The following KCTD12 variants were observed in gnomAD, a reference collection of about 807,000 sequenced individuals.
KCTD12 encodes potassium channel tetramerization domain containing 12.
A neutral mutation model predicts 22.6 loss-of-function variants in KCTD12; 16 were observed. That is an observed-to-expected ratio of 0.71 (90% CI 0.48 to 1.07). The LOEUF is 1.07. Among genes scored for constraint, KCTD12 ranks in the 50% least tolerant of loss-of-function variants. KCTD12 has a pLI of 0.00. For synonymous variants in KCTD12, 260 were observed against 228.0 expected (o/e 1.14, Z -1.26); for missense variants, 452 against 469.2 (o/e 0.96, Z 0.34).
Position 76,886,020 on chromosome 13 carries a change from C to G in KCTD12, c.129G>C (p.Gln43His). Reference protein sequence around the residue: ...PDIVELNVGGQVYVTRRCTVV... With the variant: ...PDIVELNVGGHVYVTRRCTVV... The stretch of plus-strand genomic sequence containing the variant: ...CCGTGCAGCGCCGGGTCACGTACAC[C>G]TGGCCCCCCACGTTCAGCTCCACGA... Residue 43 changes from glutamine to histidine, a missense_variant, in exon 1 of 1, where the codon CAG (glutamine) becomes CAC (histidine). This residue lies in a region of KCTD12 where 330 missense variants were observed against 296.5 expected (regional missense o/e 1.11). Coordinates refer to ENST00000377474, the MANE Select transcript of KCTD12 (RefSeq NM_138444.4). 6.3e-7 allele frequency: 1 copy of G among 1,590,212 alleles called. No individual in the cohort carries two copies. Among genetic ancestry groups the G allele is most frequent in the Non-Finnish European group, 8.5e-7 (1 of 1,172,768 alleles).
Position 76,886,231 on chromosome 13 carries a change from A to T in KCTD12, c.-83T>A, listed in dbSNP as rs1039397461. On this transcript the variant is annotated 5_prime_UTR_variant, in exon 1 of 1. Transcript: ENST00000377474. Reference sequence around the variant, plus strand: ...GCAACCGCCTTCCCCGGAGCCCCGGAACCCGGACGCTCGCTCAGCCCTGCG... The same window carrying T: ...GCAACCGCCTTCCCCGGAGCCCCGGTACCCGGACGCTCGCTCAGCCCTGCG... The T allele has an allele frequency of 2.0e-5, 27 of 1,370,812 alleles. No homozygotes were observed. In the African/African-American group the frequency reaches 4.0e-4, roughly 20 times the overall value. The allele number at this position is 1,370,812 out of a possible 1,614,324, so 84.9% of individuals were successfully genotyped here.
rs1461719314 is a variant in KCTD12, at chr13:76,886,164, G to A, written c.-16C>T. The A allele has an allele frequency of 2.1e-5, 30 of 1,460,088 alleles. No individual in the cohort carries two copies. The highest frequency in any genetic ancestry group is 2.5e-5 in the Non-Finnish European group (28 of 1,108,372). 90.4% of individuals were successfully genotyped at this position (1,460,088 alleles called of 1,614,324 possible). ...CCAGAGCCATGACAGAGAGGTGGCCGGGCCGGGACAGTGGCAGGAAGCCGC... is the reference window on the plus strand; with the variant it reads ...CCAGAGCCATGACAGAGAGGTGGCCAGGCCGGGACAGTGGCAGGAAGCCGC... On this transcript the variant is annotated 5_prime_UTR_variant, in exon 1 of 1. Transcript: ENST00000377474.
chr13:76,882,919 A>G lies in KCTD12; in HGVS notation c.*2252T>C, dbSNP rs2033219556. On this transcript the variant is annotated 3_prime_UTR_variant, in exon 1 of 1. Transcript: ENST00000377474. ...AAAAAAATTAGTGGATTAAAAATAC[A>G]GGTACCTTGACTTTAAGTAGACAGT... 6.6e-6 allele frequency: 1 copy of G among 152,258 alleles called. No individual in the cohort carries two copies. The highest frequency in any genetic ancestry group is 1.5e-5 in the Non-Finnish European group (1 of 68,046). The allele number at this position is 152,258 out of a possible 1,614,324, so 9.4% of individuals were successfully genotyped here. A position where few individuals can be genotyped will look rare whatever the true frequency, so the allele number is the denominator to read the frequency against.
Position 76,885,013 on chromosome 13 carries a change from T to G in KCTD12, c.*158A>C. The G allele has an allele frequency of 1.3e-6, 1 of 750,624 alleles. No homozygotes were observed. The highest frequency in any genetic ancestry group is 2.1e-6 in the Non-Finnish European group (1 of 472,956). 46.5% of individuals were successfully genotyped at this position (750,624 alleles called of 1,614,324 possible). On this transcript the variant is annotated 3_prime_UTR_variant, in exon 1 of 1. Transcript: ENST00000377474. The surrounding 1 kb of genome is among the most constrained non-coding windows in gnomAD (Gnocchi z 5.1). ...GGATTTGCGGCTGCAGGTTCTGTAG[T>G]GGAGGGAAGGTGGGCGGACAGGTCT...
In KCTD12 at chr13:76,882,854, G is replaced by T. The variant is rs1368071089; in HGVS notation, c.*2317C>A. ...AAGTCAATTTTACTTCTCAAAAAAT[G>T]TTAGTCTAATAAAAGACCTGAAATC... On this transcript the variant is annotated 3_prime_UTR_variant, in exon 1 of 1. Transcript: ENST00000377474. 6.6e-6 allele frequency: 1 copy of T among 152,050 alleles called. No homozygotes were observed. The highest frequency in any genetic ancestry group is 6.6e-5 in the Admixed American group (1 of 15,266). The allele number at this position is 152,050 out of a possible 1,614,324, so 9.4% of individuals were successfully genotyped here. A position where few individuals can be genotyped will look rare whatever the true frequency, so the allele number is the denominator to read the frequency against.
rs544163419 is a variant in KCTD12 at position 76,886,335 on chromosome 13, G to A, written c.-187C>T. 5.4e-6 allele frequency: 3 copies of A among 559,872 alleles called. No homozygotes were observed. The highest frequency in any genetic ancestry group is 7.6e-6 in the Non-Finnish European group (3 of 394,592). The allele number at this position is 559,872 out of a possible 1,614,324, so 34.7% of individuals were successfully genotyped here. On this transcript the variant is annotated 5_prime_UTR_variant, in exon 1 of 1. Coordinates refer to ENST00000377474, the MANE Select transcript of KCTD12 (RefSeq NM_138444.4). ...AGAGCCGCGCGGAGCCGAGCGGTGCGAGCGCGCCGCTGTGCGCCCCCTTGA... is the reference window on the plus strand; with the variant it reads ...AGAGCCGCGCGGAGCCGAGCGGTGCAAGCGCGCCGCTGTGCGCCCCCTTGA...
In KCTD12 at chr13:76,880,291, A is replaced by G. The variant is rs1235937815; in HGVS notation, c.*4880T>C. On this transcript the variant is annotated 3_prime_UTR_variant, in exon 1 of 1. Coordinates refer to ENST00000377474, the MANE Select transcript of KCTD12 (RefSeq NM_138444.4). The stretch of plus-strand genomic sequence containing the variant: ...AAACAGTAGCTAGTATTTCTGTTAT[A>G]CAACTGGTTGTGAACAGGAAGAACA... The G allele has an allele frequency of 6.5e-6, 1 of 152,698 alleles. No individual in the cohort carries two copies. The highest frequency in any genetic ancestry group is 1.5e-5 in the Non-Finnish European group (1 of 68,052). 9.5% of individuals were successfully genotyped at this position (152,698 alleles called of 1,614,324 possible). A position where few individuals can be genotyped will look rare whatever the true frequency, so the allele number is the denominator to read the frequency against.
Position 76,884,957 on chromosome 13 carries a change from A to G in KCTD12, c.*214T>C, listed in dbSNP as rs2033245662. 1 of 561,830 alleles carries G rather than the reference A, an allele frequency of 1.8e-6. No individual in the cohort carries two copies. Among genetic ancestry groups the G allele is most frequent in the Non-Finnish European group, 3.1e-6 (1 of 318,926 alleles). 34.8% of individuals were successfully genotyped at this position (561,830 alleles called of 1,614,324 possible). ...GGGTTCCTCTGGGTTCTCTCGGTTC[A>G]GGAGGTCCAAAGAAGACGAAGCAGC... On this transcript the variant is annotated 3_prime_UTR_variant, in exon 1 of 1. Coordinates refer to ENST00000377474, the MANE Select transcript of KCTD12 (RefSeq NM_138444.4).
rs61319458 is a variant in KCTD12 at position 76,882,217 on chromosome 13, T to C, written c.*2954A>G. On this transcript the variant is annotated 3_prime_UTR_variant, in exon 1 of 1. Transcript: ENST00000377474. ...TACTTGTTTTTTACTGTCTACCCAA[T>C]GTAAAATGAATTTTCTTCACAGCCT... 6.6e-6 allele frequency: 1 copy of C among 152,230 alleles called. No individual in the cohort carries two copies. The highest frequency in any genetic ancestry group is 2.1e-4 in the South Asian group (1 of 4,834). 9.4% of individuals were successfully genotyped at this position (152,230 alleles called of 1,614,324 possible).
In KCTD12 at chr13:76,885,690, A is replaced by C. The variant is rs762203624; in HGVS notation, c.459T>G (p.Gly153=). The change falls in exon 1 of 1, where the codon GGT becomes GGG. Residue 153 remains glycine, a synonymous_variant. Transcript: ENST00000377474. The surrounding 1 kb of genome is among the most constrained non-coding windows in gnomAD (Gnocchi z 5.1). ...AGTAGCCAAGCGGCAGCAGCTCGTC[A>C]CCCAGCGAGCCCTCCTTGTGCACCC... ...RRGVHKEGSL[G]DELLPLGYSE... is the part of the protein sequence containing the mutation. The C allele has an allele frequency of 1.7e-5, 24 of 1,443,798 alleles. No individual in the cohort carries two copies. The African/African-American group carries it at 2.7e-4, about 16-fold the overall frequency. The allele number at this position is 1,443,798 out of a possible 1,614,324, so 89.4% of individuals were successfully genotyped here. A position where few individuals can be genotyped will look rare whatever the true frequency, so the allele number is the denominator to read the frequency against.
Position 76,886,273 on chromosome 13 carries a change from G to GCCACCGCCGCCA in KCTD12, c.-126_-125insTGGCGGCGGTGG. On this transcript the variant is annotated 5_prime_UTR_variant, in exon 1 of 1. Coordinates refer to ENST00000377474, the MANE Select transcript of KCTD12 (RefSeq NM_138444.4). ...AGCCCTGCGCCCCGCCGCCGCCGCC[G>GCCACCGCCGCCA]CCGCCACCGCCGCCACCGCCACCGC... The GCCACCGCCGCCA allele has an allele frequency of 1.9e-6, 2 of 1,069,598 alleles. No homozygotes were observed. Among genetic ancestry groups the GCCACCGCCGCCA allele is most frequent in the Non-Finnish European group, 2.4e-6 (2 of 829,532 alleles). 66.3% of individuals were successfully genotyped at this position (1,069,598 alleles called of 1,614,324 possible). A position where few individuals can be genotyped will look rare whatever the true frequency, so the allele number is the denominator to read the frequency against.
chr13:76,886,288 ACCGCCACCG>A lies in KCTD12; in HGVS notation c.-149_-141del, dbSNP rs960043014. 3 of 1,047,680 alleles carry A rather than the reference ACCGCCACCG, an allele frequency of 2.9e-6. No individual in the cohort carries two copies. The highest frequency in any genetic ancestry group is 4.4e-5 in the Admixed American group (1 of 22,940). The allele number at this position is 1,047,680 out of a possible 1,614,324, so 64.9% of individuals were successfully genotyped here. ...CGCCGCCGCCGCCGCCACCGCCGCC[ACCGCCACCG>A]CCGCCACCTCCTAGAGCCGCGCGGA... is the stretch of plus-strand genomic sequence containing the variant. On this transcript the variant is annotated 5_prime_UTR_variant, in exon 1 of 1. Transcript: ENST00000377474.
Position 76,885,806 on chromosome 13 carries a change from G to C in KCTD12, c.343C>G (p.Arg115Gly). The C allele has an allele frequency of 6.3e-7, 1 of 1,592,424 alleles. No individual in the cohort carries two copies. ...DYFPERSRLQ[R>G]EAEYFELPEL... Reference sequence around the variant, plus strand: ...GGCAGCTCGAAGTACTCGGCCTCGCGCTGCAGCCGGCTGCGCTCGGGGAAG... The same window carrying C: ...GGCAGCTCGAAGTACTCGGCCTCGCCCTGCAGCCGGCTGCGCTCGGGGAAG... Residue 115 changes from arginine (R) to glycine (G), a missense_variant, in exon 1 of 1, where the codon CGC becomes GGC. This residue lies in a region of KCTD12 where 330 missense variants were observed against 296.5 expected (regional missense o/e 1.11). Transcript: ENST00000377474. This position sits in a 1 kb window ranked among gnomAD's most constrained non-coding sequence, Gnocchi z 5.1.
rs2033270929 is a variant in KCTD12 at position 76,886,216 on chromosome 13, TCCCCGGAG to T, written c.-76_-69del. 2 of 1,377,682 alleles carry T rather than the reference TCCCCGGAG, an allele frequency of 1.5e-6. No homozygotes were observed. The highest frequency in any genetic ancestry group is 9.3e-7 in the Non-Finnish European group (1 of 1,073,932). The allele number at this position is 1,377,682 out of a possible 1,614,324, so 85.3% of individuals were successfully genotyped here. ...CTGCACTCAGGAGCTGCAACCGCCT[TCCCCGGAG>T]CCCCGGAACCCGGACGCTCGCTCAG... On this transcript the variant is annotated 5_prime_UTR_variant, in exon 1 of 1. Transcript: ENST00000377474.
At position 76,885,657 on chromosome 13, in the gene KCTD12, G is replaced by C; in HGVS notation, c.492C>G (p.Pro164=). Residue 164 remains proline, a synonymous_variant, in exon 1 of 1, where the codon CCC becomes CCG. Coordinates refer to ENST00000377474, the MANE Select transcript of KCTD12 (RefSeq NM_138444.4). The surrounding 1 kb of genome is among the most constrained non-coding windows in gnomAD (Gnocchi z 5.1). ...CGGCAGAGGCGCCCTCCTGCTGTTC[G>C]GGCTCCGAGTAGCCAAGCGGCAGCA... The part of the protein sequence containing the change: ...DELLPLGYSE[P]EQQEGASAGA... The C allele has an allele frequency of 2.0e-6, 3 of 1,480,672 alleles. No homozygotes were observed. The highest frequency in any genetic ancestry group is 2.2e-4 in the Middle Eastern group (1 of 4,538). The allele number at this position is 1,480,672 out of a possible 1,614,324, so 91.7% of individuals were successfully genotyped here. A position where few individuals can be genotyped will look rare whatever the true frequency, so the allele number is the denominator to read the frequency against.
Position 76,883,036 on chromosome 13 carries a change from C to G in KCTD12, c.*2135G>C, listed in dbSNP as rs1049245797. On this transcript the variant is annotated 3_prime_UTR_variant, in exon 1 of 1. Transcript: ENST00000377474. ...TTTACAATTATGTATTTTTTCCTAA[C>G]CCAATTCCTCGATAAGGATGTAAGA... 37 of 152,092 alleles carry G rather than the reference C, an allele frequency of 2.4e-4. No homozygotes were observed. Among genetic ancestry groups the G allele is most frequent in the Admixed American group, 2.4e-3 (37 of 15,264 alleles). 9.4% of individuals were successfully genotyped at this position (152,092 alleles called of 1,614,324 possible).
In KCTD12 at chr13:76,885,549, C is replaced by T. The variant is rs561944056; in HGVS notation, c.600G>A (p.Ser200=). 1.2e-5 allele frequency: 18 copies of T among 1,560,718 alleles called. No homozygotes were observed. In the Admixed American group the frequency reaches 3.4e-4, roughly 29 times the overall value. ...AAGPLLTPSQ[S]LDGSRRSGYI... ...AGCCCGAGCGCCGGCTGCCGTCCAG[C>T]GACTGGGACGGCGTGAGCAGCGGGC... is the stretch of plus-strand genomic sequence containing the variant. The change falls in exon 1 of 1, where the codon TCG becomes TCA. Residue 200 remains serine (S), a synonymous_variant. Transcript: ENST00000377474. The surrounding 1 kb of genome is among the most constrained non-coding windows in gnomAD (Gnocchi z 5.1).
In KCTD12 at chr13:76,885,531, G is replaced by A. The variant is rs964607793; in HGVS notation, c.618C>T (p.Arg206=). Residue 206 remains arginine (R), a synonymous_variant, in exon 1 of 1, where the codon CGC becomes CGT. Transcript: ENST00000377474. This position sits in a 1 kb window ranked among gnomAD's most constrained non-coding sequence, Gnocchi z 5.1. ...GGTAGCCGATGGTGATGTAGCCCGAGCGCCGGCTGCCGTCCAGCGACTGGG... is the reference window on the plus strand; with the variant it reads ...GGTAGCCGATGGTGATGTAGCCCGAACGCCGGCTGCCGTCCAGCGACTGGG... ...TPSQSLDGSR[R]SGYITIGYRG... 1.3e-6 allele frequency: 2 copies of A among 1,578,110 alleles called. No individual in the cohort carries two copies. Among genetic ancestry groups the A allele is most frequent in the Non-Finnish European group, 1.7e-6 (2 of 1,165,940 alleles).
In KCTD12 at chr13:76,881,775, G is replaced by A. The variant is rs1363094375; in HGVS notation, c.*3396C>T. ...AAAAAGTAGAATGAATACTGTTCATGGTCCACATGTATTAAAAAACATGTC... is the reference window on the plus strand; with the variant it reads ...AAAAAGTAGAATGAATACTGTTCATAGTCCACATGTATTAAAAAACATGTC... On this transcript the variant is annotated 3_prime_UTR_variant, in exon 1 of 1. Transcript: ENST00000377474. 1 of 81,352 alleles carries A rather than the reference G, an allele frequency of 1.2e-5. No homozygotes were observed. Among genetic ancestry groups the A allele is most frequent in the Non-Finnish European group, 2.5e-5 (1 of 40,366 alleles). The allele number at this position is 81,352 out of a possible 1,614,324, so 5.0% of individuals were successfully genotyped here. A position where few individuals can be genotyped will look rare whatever the true frequency, so the allele number is the denominator to read the frequency against.
Sources: allele counts gnomAD v4.1 joint callset, GRCh38; gene constraint gnomAD v4.1.1; regional missense constraint gnomAD v4.1.1; non-coding constraint Gnocchi (gnomAD v3.1); transcripts MANE v1.5; gene names NCBI Gene and HGNC (gene_info 2026-07-23, HGNC 2026-07-21).